ULK4: variants seen among roughly 807,000 people sequenced by gnomAD.
ULK4 encodes the protein unc-51 like kinase 4.
A neutral mutation model predicts 160.6 loss-of-function variants in ULK4; 133 were observed. The observed-to-expected ratio is 0.83, with a 90% CI of 0.72 to 0.96. The LOEUF (loss-of-function observed/expected upper bound fraction) is 0.96, where lower values mean the gene tolerates loss of function less well. ULK4 is among the 40% of genes least tolerant of loss of function. The pLI is 0.00. For missense variants in ULK4, 1,580 were observed against 1,499.5 expected, an observed-to-expected ratio of 1.05 and a Z score of -0.89; for synonymous variants, 534 against 539.8, an observed-to-expected ratio of 0.99 and a Z score of 0.15.
At chr3:41,248,482 G>C (rs1345142329) in intron 36 of ULK4, among the ~76,000 whole-genome samples, 1 of 152,104 alleles carries the variant, frequency 6.6e-6, no homozygotes, top group Non-Finnish European at 1.5e-5. Context: ...AAAGGGGTAG[G>C]GTTAGGCTAA....
At chr3:41,696,754 G>A (rs752691905) in intron 27 of ULK4, among the ~76,000 whole-genome samples, 1 of 150,544 alleles carries the variant, frequency 6.6e-6, no homozygotes, top group African/African-American at 2.5e-5. Flanking sequence ...AGGATCTTGA[G>A]AGGAGAGAGT....
chr3:41,935,866 G>A lies in ULK4; in HGVS notation c.313C>T (p.Leu105=), dbSNP rs56035784. ...TGAAGATGATGTAATCCACTAATCA[G>A]GTCAATTCCAAATTCTCTCACAACA... ...EDVVREFGID[L]ISGLHHLHKL... The change falls in exon 4 of 37, where the codon CTG becomes TTG. Residue 105 remains leucine, a synonymous_variant. Transcript: ENST00000301831. 2,274 of 1,613,894 alleles carry A rather than the reference G, an allele frequency of 1.4e-3. 32 individuals carry two copies. The African/African-American group carries it at 0.028, about 20-fold the overall frequency.
chr3:41,788,309 T>C (rs2040052984), intron 21 of ULK4, among the ~76,000 whole-genome samples: 1 of 152,198 alleles, frequency 6.6e-6, no homozygotes, highest in Admixed American at 6.5e-5. Context: ...AGAAGCATGG[T>C]AAACAGTGTA....
intron 19 of ULK4, among the ~76,000 whole-genome samples, chr3:41,817,534 T>C (rs1007667761): frequency 1.1e-4 from 17 of 152,040 alleles, no homozygotes; most frequent in African/African-American, 3.9e-4. Context: ...GAAAACCAAA[T>C]ACCATGTGTT....
intron 29 of ULK4, among the ~76,000 whole-genome samples, chr3:41,677,315 T>C (rs1464441935): frequency 6.6e-6 from 1 of 151,560 alleles, no homozygotes; most frequent in Non-Finnish European, 1.5e-5. Flanking sequence ...ACTAAACAAA[T>C]ACTTTAAAGT....
At chr3:41,931,493 G>GAA (rs1699600497) in intron 5 of ULK4, among the ~76,000 whole-genome samples, 1 of 116,796 alleles carries the variant, frequency 8.6e-6, no homozygotes, top group Non-Finnish European at 1.9e-5. Context: ...AAAAAAGAAA[G>GAA]AAATATGTTT....
intron 18 of ULK4, among the ~76,000 whole-genome samples, chr3:41,828,647 G>A (rs1211897565): frequency 2.0e-5 from 3 of 149,904 alleles, no homozygotes; most frequent in African/African-American, 7.5e-5. Flanking sequence ...AATTAAAGAG[G>A]ATACAAACAA....
chr3:41,450,746 C>T (rs2083407808), intron 34 of ULK4, among the ~76,000 whole-genome samples: 1 of 152,144 alleles, frequency 6.6e-6, no homozygotes, highest in Non-Finnish European at 1.5e-5. Context: ...AGTTTAGGTC[C>T]TCAATAGCCT....
Position 41,463,123 on chromosome 3 carries a change from C to A in ULK4, c.3357G>T (p.Leu1119=). The A allele has an allele frequency of 6.2e-7, 1 of 1,613,716 alleles. No individual in the cohort carries two copies. Among genetic ancestry groups the A allele is most frequent in the South Asian group, 1.1e-5 (1 of 91,036 alleles). The change falls in exon 33 of 37, where the codon CTG becomes CTT. Residue 1119 remains leucine, a synonymous_variant. Coordinates refer to ENST00000301831, the MANE Select transcript of ULK4 (RefSeq NM_017886.4). The part of the protein sequence containing the change: ...FSLLDILHSM[L]TYTSGIVRLA... Reference sequence around the variant, plus strand: ...GCCGTACAATACCGGAGGTATAGGTCAGCATGCTGTGCAAAATATCAAGCA... The same window carrying A: ...GCCGTACAATACCGGAGGTATAGGTAAGCATGCTGTGCAAAATATCAAGCA...
chr3:41,500,565 A>C (rs1464316813), intron 32 of ULK4, among the ~76,000 whole-genome samples: 1 of 152,152 alleles, frequency 6.6e-6, no homozygotes, highest in Non-Finnish European at 1.5e-5. Flanking sequence ...AATCCCTAGC[A>C]GACTTCTGGC....
intron 22 of ULK4, among the ~76,000 whole-genome samples, chr3:41,738,130 A>T (rs60061241): frequency 0.12 from 17,774 of 151,894 alleles, 3,636 homozygotes; most frequent in African/African-American, 0.4. Flanking sequence ...AACAGAACAG[A>T]TTATACTGGA....
intron 35 of ULK4, among the ~76,000 whole-genome samples, chr3:41,286,902 CA>C (rs1490382311): frequency 6.6e-6 from 1 of 152,204 alleles, no homozygotes; most frequent in Non-Finnish European, 1.5e-5. Flanking sequence ...TGGTGTCTGT[CA>C]TCTTAACTCA....
chr3:41,361,209 T>C (rs950326386), intron 35 of ULK4, among the ~76,000 whole-genome samples: 9 of 152,128 alleles, frequency 5.9e-5, no homozygotes, highest in African/African-American at 2.2e-4. Context: ...GGAGAGAATC[T>C]GAGGTGTTCT....
intron 34 of ULK4, among the ~76,000 whole-genome samples, chr3:41,444,567 C>T (rs1045342396): frequency 6.6e-6 from 1 of 152,074 alleles, no homozygotes; most frequent in Non-Finnish European, 1.5e-5. Context: ...TAATATCTAA[C>T]CTTGAGATTT....
chr3:41,639,264 T>C (rs1185093176), intron 30 of ULK4, among the ~76,000 whole-genome samples: 1 of 152,196 alleles, frequency 6.6e-6, no homozygotes, highest in Admixed American at 6.5e-5. Context: ...AAATTCTTTG[T>C]TGCAAGACAA....
intron 34 of ULK4, among the ~76,000 whole-genome samples, chr3:41,425,124 C>CCACAATACAAGAACTT (rs1417887637): frequency 2.0e-5 from 3 of 152,064 alleles, no homozygotes; most frequent in Non-Finnish European, 4.4e-5. Context: ...AGCTGAAAAA[C>CCACAATACAAGAACTT]CACAATACAA....
At chr3:41,434,742 T>C (rs937699339) in intron 34 of ULK4, among the ~76,000 whole-genome samples, 1 of 152,228 alleles carries the variant, frequency 6.6e-6, no homozygotes, top group Non-Finnish European at 1.5e-5. Context: ...TTTTGGTACC[T>C]TGTATGTGAA....
intron 35 of ULK4, among the ~76,000 whole-genome samples, chr3:41,391,707 T>C (rs1372862775): frequency 2.0e-5 from 3 of 151,950 alleles, no homozygotes; most frequent in South Asian, 2.1e-4. Context: ...TCTGTTCTCA[T>C]GTGGAATGAG....
chr3:41,594,952 G>A (rs1452566105), intron 31 of ULK4, among the ~76,000 whole-genome samples: 1 of 152,122 alleles, frequency 6.6e-6, no homozygotes, highest in Non-Finnish European at 1.5e-5. Context: ...GTATTATATG[G>A]CTAGGGAGAG....
Sources: allele counts gnomAD v4.1 joint callset (sites outside exome capture counted in the v4.1 genomes callset), GRCh38; gene constraint gnomAD v4.1.1; transcripts MANE v1.5; gene names NCBI Gene and HGNC (gene_info 2026-07-23, HGNC 2026-07-21).